Variants in NRXN1 observed in about 807,000 individuals in gnomAD.
The protein encoded by NRXN1 is neurexin 1.
A neutral mutation model predicts 150.9 loss-of-function variants in NRXN1; 39 were observed. That is an observed-to-expected ratio of 0.26 (90% confidence interval 0.20 to 0.34). NRXN1 has a LOEUF of 0.34. NRXN1 is among the 10% of genes least tolerant of loss of function. The pLI, the probability that NRXN1 is intolerant of heterozygous loss-of-function variation, is 1.00. For synonymous variants in NRXN1, 924 were observed against 757.0 expected, an observed-to-expected ratio of 1.22 and a Z score of -3.62; for missense variants, 1,815 against 1,949.9, an observed-to-expected ratio of 0.93 and a Z score of 1.30.
intron 18 of NRXN1, among the ~76,000 whole-genome samples, chr2:50,118,453 C>CTT (rs11398725): frequency 3.6e-4 from 54 of 149,268 alleles, no homozygotes; most frequent in African/African-American, 1.0e-3. Context: ...TAAGTGTTTT[C>CTT]TTTTTTTTTT....
chr2:50,517,881 A>C (rs1466866596), intron 12 of NRXN1, among the ~76,000 whole-genome samples: 1 of 152,160 alleles, frequency 6.6e-6, no homozygotes, highest in Non-Finnish European at 1.5e-5. Context: ...AAATGATAGC[A>C]AACTTATTCT....
intron 5 of NRXN1, among the ~76,000 whole-genome samples, chr2:50,855,811 G>T (rs916703605): frequency 4.6e-5 from 7 of 151,990 alleles, no homozygotes; most frequent in Non-Finnish European, 1.5e-5. Context: ...TACTTAAAGT[G>T]TATTATTTGA....
intron 8 of NRXN1, among the ~76,000 whole-genome samples, chr2:50,614,030 G>T (rs974185644): frequency 2.0e-4 from 31 of 152,290 alleles, no homozygotes; most frequent in African/African-American, 7.5e-4. Flanking sequence ...TTAGGAAAAA[G>T]TGAAGTGGGA....
intron 12 of NRXN1, among the ~76,000 whole-genome samples, chr2:50,517,105 A>G (rs2092653202): frequency 6.6e-6 from 1 of 152,130 alleles, no homozygotes; most frequent in Non-Finnish European, 1.5e-5. Context: ...GTATCCTCAT[A>G]TATCTCATAA....
intron 18 of NRXN1, among the ~76,000 whole-genome samples, chr2:50,115,129 C>T (rs1197859806): frequency 2.0e-5 from 3 of 148,450 alleles, no homozygotes; most frequent in African/African-American, 5.0e-5. Flanking sequence ...TTTGGAAAAT[C>T]TTTGTAATTT....
chr2:50,778,591 A>C (rs1479991517), intron 5 of NRXN1, among the ~76,000 whole-genome samples: 1 of 152,182 alleles, frequency 6.6e-6, no homozygotes, highest in Non-Finnish European at 1.5e-5. Flanking sequence ...GTTTAATGAA[A>C]GAGACAGAGA....
chr2:50,954,803 A>G (rs1242765623), intron 2 of NRXN1, among the ~76,000 whole-genome samples: 2 of 152,196 alleles, frequency 1.3e-5, no homozygotes, highest in Non-Finnish European at 2.9e-5. Flanking sequence ...AGACGTCCTT[A>G]TTACTAAAAC....
intron 17 of NRXN1, among the ~76,000 whole-genome samples, chr2:50,250,813 C>T (rs565689978): frequency 1.1e-4 from 17 of 150,788 alleles, no homozygotes; most frequent in Admixed American, 8.6e-4. Flanking sequence ...ATTTAAGTAC[C>T]GGGATACATG....
intron 18 of NRXN1, chr2:50,199,004 A>T (rs2061968361): frequency 6.6e-6 from 1 of 152,226 alleles, no homozygotes; most frequent in East Asian, 1.9e-4. Flanking sequence ...TTATCAGAAC[A>T]AAAAGCCAAG....
intron 2 of NRXN1, among the ~76,000 whole-genome samples, chr2:50,992,666 T>A (rs184690424): frequency 6.6e-6 from 1 of 152,126 alleles, no homozygotes; most frequent in Non-Finnish European, 1.5e-5. Flanking sequence ...AAATGCAATA[T>A]ACTTTGCCTC....
intron 8 of NRXN1, among the ~76,000 whole-genome samples, chr2:50,584,454 A>T (rs1051430362): frequency 1.2e-4 from 19 of 152,132 alleles, no homozygotes; most frequent in Non-Finnish European, 2.1e-4. Flanking sequence ...GTCATTGAAA[A>T]AGTTCTATTT....
chr2:50,346,021 G>C lies in NRXN1; in HGVS notation c.3365-109051C>G, dbSNP rs1161756714. ...TATTTATGTGCAGAGTGGATGGAAG[G>C]GGAATGGTGTCCAGAGGTCCCCTCC... On this transcript the variant is annotated intron_variant, in intron 17 of 22. Transcript: ENST00000401669. This position sits in a 1 kb window ranked among gnomAD's most constrained non-coding sequence, Gnocchi z 5.0. Among the ~76,000 whole-genome samples the C allele has an allele frequency of 6.6e-6, 1 of 152,218 alleles. No individual in the cohort carries two copies. Among genetic ancestry groups the C allele is most frequent in the African/African-American group, 2.4e-5 (1 of 41,454 alleles).
intron 2 of NRXN1, among the ~76,000 whole-genome samples, chr2:50,978,305 T>TATATATATATATATATATAA (rs1436964052): frequency 1.6e-5 from 2 of 121,622 alleles, no homozygotes; most frequent in East Asian, 2.4e-4. Context: ...TATATATATA[T>TATATATATATATATATATAA]AAAATATATA....
intron 18 of NRXN1, among the ~76,000 whole-genome samples, chr2:50,109,101 T>C (rs561958980): frequency 6.6e-6 from 1 of 152,306 alleles, no homozygotes; most frequent in African/African-American, 2.4e-5. Flanking sequence ...GGCAAGTGTT[T>C]CTAAATATAG....
intron 18 of NRXN1, among the ~76,000 whole-genome samples, chr2:50,144,881 T>G (rs1235489956): frequency 6.6e-6 from 1 of 151,712 alleles, no homozygotes; most frequent in East Asian, 1.9e-4. Flanking sequence ...ATAACCAAGG[T>G]GTCTAGGGGT....
intron 15 of NRXN1, among the ~76,000 whole-genome samples, chr2:50,474,062 A>C (rs2089758599): frequency 6.6e-6 from 1 of 151,988 alleles, no homozygotes; most frequent in Admixed American, 6.6e-5. Context: ...CATAAAGCAA[A>C]GTCTACTGAC....
intron 21 of NRXN1, among the ~76,000 whole-genome samples, chr2:49,995,780 CAAAA>C (rs1163315598): frequency 4.4e-4 from 16 of 36,382 alleles, no homozygotes; most frequent in South Asian, 4.0e-3. Context: ...GACTCCGTCT[CAAAA>C]AAAAAAAAAA....
chr2:49,921,739 C>A lies in NRXN1; in HGVS notation c.*205G>T. The A allele has an allele frequency of 1.7e-6, 1 of 575,296 alleles. No homozygotes were observed. The highest frequency in any genetic ancestry group is 3.0e-6 in the Non-Finnish European group (1 of 331,884). 35.6% of individuals were successfully genotyped at this position (575,296 alleles called of 1,614,324 possible). ...GTGGATGTTAGGGAATTTATTGGCC[C>A]CTGTTTTTTGTTTTTTGTTTTTCTT... is the stretch of plus-strand genomic sequence containing the variant. On this transcript the variant is annotated 3_prime_UTR_variant, in exon 23 of 23. Transcript: ENST00000401669.
intron 21 of NRXN1, among the ~76,000 whole-genome samples, chr2:49,995,515 C>T (rs913804901): frequency 4.6e-5 from 7 of 152,018 alleles, no homozygotes; most frequent in Non-Finnish European, 8.8e-5. Flanking sequence ...GGCGCGGTGG[C>T]TCACGCCTCT....
Sources: gnomAD v4.1 joint callset for allele counts (sites outside exome capture counted in the v4.1 genomes callset) on GRCh38, gnomAD v4.1.1 for gene constraint, Gnocchi (gnomAD v3.1) non-coding constraint, MANE v1.5 for transcripts, NCBI Gene and HGNC (gene_info 2026-07-23, HGNC 2026-07-21) for gene names.